The following PDZD8 variants were observed in gnomAD, a reference collection of about 807,000 sequenced individuals.
PDZD8 encodes PDZ domain-containing protein 8.
Under a neutral mutation model 85.8 loss-of-function variants are expected in PDZD8, and 14 were observed. The observed-to-expected ratio is 0.16, with a 90% confidence interval of 0.11 to 0.26. The LOEUF (loss-of-function observed/expected upper bound fraction) is 0.26, where lower values mean the gene tolerates loss of function less well. Among genes scored for constraint, PDZD8 ranks in the 10% least tolerant of loss-of-function variants. The probability of loss-of-function intolerance (pLI) is 1.00; values close to 1 mark genes in which losing one functional copy is unlikely to be tolerated. For missense variants in PDZD8, 1,197 were observed against 1,424.3 expected (o/e 0.84, Z 2.57); for synonymous variants, 592 against 568.6 (o/e 1.04, Z -0.59).
intron 1 of PDZD8, among the ~76,000 whole-genome samples, chr10:117,365,064 C>A (rs146461420): frequency 6.6e-6 from 1 of 151,312 alleles, no homozygotes; most frequent in Non-Finnish European, 1.5e-5. Flanking sequence ...GGGATGAAAT[C>A]AAAATGGAGA....
intron 2 of PDZD8, among the ~76,000 whole-genome samples, chr10:117,328,375 T>C (rs942613579): frequency 6.6e-6 from 1 of 151,768 alleles, no homozygotes; most frequent in Non-Finnish European, 1.5e-5. Flanking sequence ...CCCCCTCCCC[T>C]GCATTTTCCT....
intron 1 of PDZD8, among the ~76,000 whole-genome samples, chr10:117,366,400 C>T (rs1006389374): frequency 6.6e-6 from 1 of 152,144 alleles, no homozygotes; most frequent in African/African-American, 2.4e-5. Context: ...AAAGTACTTT[C>T]AATGTACACA....
intron 2 of PDZD8, among the ~76,000 whole-genome samples, chr10:117,321,116 C>A (rs2133813635): frequency 6.6e-6 from 1 of 152,174 alleles, no homozygotes; most frequent in African/African-American, 2.4e-5. Flanking sequence ...ATAGAGTTAA[C>A]ACATAGCTCA....
intron 3 of PDZD8, among the ~76,000 whole-genome samples, chr10:117,296,473 G>A (rs1425898201): frequency 6.6e-6 from 1 of 152,048 alleles, no homozygotes; most frequent in African/African-American, 2.4e-5. Context: ...CGAAATCCCT[G>A]CAGGCATTTA....
intron 2 of PDZD8, among the ~76,000 whole-genome samples, chr10:117,337,088 CAAA>C (rs879870820): frequency 1.5e-5 from 2 of 132,730 alleles, no homozygotes; most frequent in African/African-American, 2.8e-5. Context: ...GACTCCATCT[CAAA>C]AAAAAAAAAA....
rs773114749 is a variant in PDZD8, at chr10:117,277,288, CAA to C, written c.*5978_*5979del. On this transcript the variant is annotated 3_prime_UTR_variant, in exon 5 of 5. Transcript: ENST00000334464. The stretch of plus-strand genomic sequence containing the variant: ...CTGAGATGAGATCCTCAAAAATCAT[CAA>C]AGTGTTTAATTGTATAAAACAGTGT... 1 of 1,431,510 alleles carries C rather than the reference CAA, an allele frequency of 7.0e-7. No individual in the cohort carries two copies. Among genetic ancestry groups the C allele is most frequent in the South Asian group, 1.2e-5 (1 of 86,386 alleles). 88.7% of individuals were successfully genotyped at this position (1,431,510 alleles called of 1,614,324 possible). A position where few individuals can be genotyped will look rare whatever the true frequency, so the allele number is the denominator to read the frequency against.
intron 1 of PDZD8, among the ~76,000 whole-genome samples, chr10:117,354,542 C>T (rs919409994): frequency 6.6e-6 from 1 of 151,326 alleles, no homozygotes; most frequent in Non-Finnish European, 1.5e-5. Context: ...CTGTAAGTTA[C>T]CTCAAATACC....
At chr10:117,321,073 G>A (rs1197889076) in intron 2 of PDZD8, among the ~76,000 whole-genome samples, 3 of 152,126 alleles carry the variant, frequency 2.0e-5, no homozygotes, top group Non-Finnish European at 4.4e-5. Flanking sequence ...AGTCACTTTG[G>A]AAAACAATTT....
chr10:117,279,920 T>A lies in PDZD8; in HGVS notation c.*3348A>T, dbSNP rs1388553914. 6.6e-6 allele frequency: 1 copy of A among 152,228 alleles called. No homozygotes were observed. Among genetic ancestry groups the A allele is most frequent in the Non-Finnish European group, 1.5e-5 (1 of 68,026 alleles). The allele number at this position is 152,228 out of a possible 1,614,324, so 9.4% of individuals were successfully genotyped here. A position where few individuals can be genotyped will look rare whatever the true frequency, so the allele number is the denominator to read the frequency against. On this transcript the variant is annotated 3_prime_UTR_variant, in exon 5 of 5. Transcript: ENST00000334464. The stretch of plus-strand genomic sequence containing the variant: ...CTTCTTTTGGTAAGAAAAGCAATTA[T>A]GTCAATTTAGAAGACAGTATTTTTA...
intron 2 of PDZD8, among the ~76,000 whole-genome samples, chr10:117,322,502 C>T (rs1589565258): frequency 6.6e-6 from 1 of 152,148 alleles, no homozygotes. Context: ...TGAGGAGTCA[C>T]TGGCAAGAGC....
chr10:117,329,602 G>A (rs1844380581), intron 2 of PDZD8, among the ~76,000 whole-genome samples: 1 of 152,046 alleles, frequency 6.6e-6, no homozygotes, highest in Non-Finnish European at 1.5e-5. Context: ...AATGAGAAAA[G>A]GAAAGTAATT....
chr10:117,350,880 G>A (rs1439088792), intron 1 of PDZD8, among the ~76,000 whole-genome samples: 1 of 139,232 alleles, frequency 7.2e-6, no homozygotes, highest in Admixed American at 7.2e-5. Context: ...CTCCAGCCTG[G>A]GTGACAAAGT....
At chr10:117,340,894 T>G in intron 2 of PDZD8, 86 bp downstream of exon 2, 1 of 1,425,350 alleles carries the variant, frequency 7.0e-7, no homozygotes, top group South Asian at 1.4e-5. Context: ...ATAATTTAAA[T>G]GAACACACAA....
At chr10:117,321,240 C>T (rs1251821097) in intron 2 of PDZD8, among the ~76,000 whole-genome samples, 3 of 152,054 alleles carry the variant, frequency 2.0e-5, no homozygotes, top group Non-Finnish European at 4.4e-5. Context: ...TGGAAACAAG[C>T]CAAATATCCA....
At chr10:117,298,065 T>A (rs1025537035) in intron 3 of PDZD8, among the ~76,000 whole-genome samples, 6 of 152,144 alleles carry the variant, frequency 3.9e-5, no homozygotes, top group East Asian at 1.9e-4. Context: ...TATGGTTTTT[T>A]AAATTCAACT....
intron 1 of PDZD8, among the ~76,000 whole-genome samples, chr10:117,355,977 A>G (rs1256532604): frequency 6.6e-6 from 1 of 152,122 alleles, no homozygotes; most frequent in Non-Finnish European, 1.5e-5. Flanking sequence ...ATCATGTTCT[A>G]TTTTTTAAAA....
intron 2 of PDZD8, among the ~76,000 whole-genome samples, chr10:117,327,182 CAATGCAG>C (rs1388398206): frequency 1.3e-5 from 2 of 152,094 alleles, no homozygotes; most frequent in African/African-American, 2.4e-5. Flanking sequence ...TTGAAACTGG[CAATGCAG>C]AATGATAGAA....
chr10:117,350,567 G>A (rs926737214), intron 1 of PDZD8, among the ~76,000 whole-genome samples: 7 of 150,132 alleles, frequency 4.7e-5, no homozygotes, highest in Non-Finnish European at 7.4e-5. Context: ...CTTGGCCCCA[G>A]AATCTGTGCT....
At position 117,375,140 on chromosome 10, in the gene PDZD8, G is replaced by A; in HGVS notation, c.88C>T (p.Gln30Ter). The change falls in exon 1 of 5, where the codon CAG (glutamine) becomes TAG (stop). Residue 30 changes from glutamine (Q) to a stop codon, truncating the protein, a stop_gained. Transcript: ENST00000334464. LOFTEE classifies it high-confidence loss of function. ...LAQFFLLYRRQPEPPADEAAR... is the reference protein window; with the variant it reads ...LAQFFLLYRR The stretch of plus-strand genomic sequence containing the variant: ...GCCTCGTCCGCCGGCGGCTCGGGCT[G>A]TCTGCGGTACAGCAGGAAGAACTGG... 6.3e-7 allele frequency: 1 copy of A among 1,590,354 alleles called. No homozygotes were observed. The highest frequency in any genetic ancestry group is 8.5e-7 in the Non-Finnish European group (1 of 1,174,546).
Sources: allele counts gnomAD v4.1 joint callset (sites outside exome capture counted in the v4.1 genomes callset), GRCh38; gene constraint gnomAD v4.1.1; transcripts MANE v1.5; gene names NCBI Gene and HGNC (gene_info 2026-07-23, HGNC 2026-07-21).